The following RASSF9 variants were observed in gnomAD, a reference collection of about 807,000 sequenced individuals.
The protein encoded by RASSF9 is Ras association domain family member 9.
RASSF9 carries 18 observed loss-of-function variants against 21.4 expected under a neutral mutation model. The ratio of observed to expected loss-of-function variants is 0.84; its 90% CI spans 0.58 to 1.25. RASSF9 has a LOEUF of 1.25. Ranked by LOEUF, RASSF9 falls within the 50% of genes most tolerant of loss-of-function variation. The pLI is 0.00. For synonymous variants in RASSF9, 183 were observed against 179.1 expected (o/e 1.02, Z -0.18); for missense variants, 480 against 503.2 (o/e 0.95, Z 0.44).
intron 1 of RASSF9, among the ~76,000 whole-genome samples, chr12:85,820,663 CT>C (rs1487840123): frequency 2.0e-5 from 3 of 152,182 alleles, no homozygotes; most frequent in African/African-American, 7.2e-5. Context: ...TAATGTATAA[CT>C]GCATATATTC....
rs1037790184 is a variant in RASSF9 at position 85,804,295 on chromosome 12, A to C, written c.*407T>G. ...CTTTACAGATTTAAAAATTCCAATT[A>C]TACAGTGTTGGAAAAATATATATTA... On this transcript the variant is annotated 3_prime_UTR_variant, in exon 2 of 2. Transcript: ENST00000361228. The C allele has an allele frequency of 6.3e-6, 1 of 159,750 alleles. No homozygotes were observed. Among genetic ancestry groups the C allele is most frequent in the African/African-American group, 2.4e-5 (1 of 41,646 alleles). The allele number at this position is 159,750 out of a possible 1,614,324, so 9.9% of individuals were successfully genotyped here.
chr12:85,819,082 T>G (rs545163761), intron 1 of RASSF9, among the ~76,000 whole-genome samples: 2 of 152,072 alleles, frequency 1.3e-5, no homozygotes, highest in South Asian at 4.1e-4. Context: ...AAAACTGGAT[T>G]AAACAAAGTT....
At chr12:85,832,081 A>T (rs1335913289) in intron 1 of RASSF9, among the ~76,000 whole-genome samples, 1 of 151,972 alleles carries the variant, frequency 6.6e-6, no homozygotes, top group Non-Finnish European at 1.5e-5. Flanking sequence ...TTCATATATC[A>T]GTACGTTTTG....
intron 1 of RASSF9, among the ~76,000 whole-genome samples, chr12:85,811,223 T>C (rs1335478442): frequency 6.6e-6 from 1 of 151,756 alleles, no homozygotes; most frequent in Non-Finnish European, 1.5e-5. Context: ...GAACATTCAG[T>C]ATAAAGGCAA....
intron 1 of RASSF9, among the ~76,000 whole-genome samples, chr12:85,829,391 A>G (rs1880400969): frequency 6.6e-6 from 1 of 152,154 alleles, no homozygotes; most frequent in Admixed American, 6.6e-5. Context: ...GAATAAACAG[A>G]AGTCAACTGC....
In RASSF9 at chr12:85,804,565, ATTTCTCGAGT is replaced by A. The variant is rs1174221493; in HGVS notation, c.*127_*136del. On this transcript the variant is annotated 3_prime_UTR_variant, in exon 2 of 2. Transcript: ENST00000361228. Reference sequence around the variant, plus strand: ...GGAAATTTCACATCAGAAACAACACATTTCTCGAGTTTTTATTAACTATTGAATACTACAA... The same window carrying A: ...GGAAATTTCACATCAGAAACAACACATTTTATTAACTATTGAATACTACAA... The A allele has an allele frequency of 3.4e-6, 3 of 878,230 alleles. No individual in the cohort carries two copies. Among genetic ancestry groups the A allele is most frequent in the Non-Finnish European group, 3.2e-6 (2 of 628,418 alleles). The allele number at this position is 878,230 out of a possible 1,614,324, so 54.4% of individuals were successfully genotyped here.
At position 85,826,911 on chromosome 12, in the gene RASSF9, G is replaced by A. The variant is rs115861599; in HGVS notation, c.47+9244C>T. 5.9e-3 allele frequency among the ~76,000 whole-genome samples: 900 copies of A among 152,078 alleles called. 4 individuals are homozygous for A. The highest frequency in any genetic ancestry group is 0.021 in the African/African-American group (856 of 41,492). ...AATCTGTTTGGCCATTCACAAACTC[G>A]CTGATACTATTATGCCAAATATTTT... is the stretch of plus-strand genomic sequence containing the variant. On this transcript the variant is annotated intron_variant, in intron 1 of 1. Coordinates refer to ENST00000361228, the MANE Select transcript of RASSF9 (RefSeq NM_005447.4).
intron 1 of RASSF9, among the ~76,000 whole-genome samples, chr12:85,819,596 A>G (rs1438526547): frequency 6.6e-6 from 1 of 152,222 alleles, no homozygotes; most frequent in Non-Finnish European, 1.5e-5. Context: ...TGGATGGGTG[A>G]ATGAATAAGT....
intron 1 of RASSF9, among the ~76,000 whole-genome samples, chr12:85,818,131 A>T (rs990185542): frequency 6.6e-6 from 1 of 152,228 alleles, no homozygotes; most frequent in Admixed American, 6.5e-5. Flanking sequence ...ATAACTAAAG[A>T]ACAGTTGAGG....
chr12:85,802,350 AT>A lies in RASSF9; in HGVS notation c.*2351del, dbSNP rs1879722528. Reference sequence around the variant, plus strand: ...TTAATATATTAACATGTAACTGTAAATTAAGAGGTTCACCATGGTAGCTGAT... The same window carrying A: ...TTAATATATTAACATGTAACTGTAAATAAGAGGTTCACCATGGTAGCTGAT... On this transcript the variant is annotated 3_prime_UTR_variant, in exon 2 of 2. Transcript: ENST00000361228. 1 of 152,184 alleles carries A rather than the reference AT, an allele frequency of 6.6e-6. No homozygotes were observed. The highest frequency in any genetic ancestry group is 2.4e-5 in the African/African-American group (1 of 41,460). The allele number at this position is 152,184 out of a possible 1,614,324, so 9.4% of individuals were successfully genotyped here. A position where few individuals can be genotyped will look rare whatever the true frequency, so the allele number is the denominator to read the frequency against.
chr12:85,826,331 T>G (rs888300248), intron 1 of RASSF9, among the ~76,000 whole-genome samples: 2 of 152,120 alleles, frequency 1.3e-5, no homozygotes, highest in African/African-American at 4.8e-5. Flanking sequence ...AATTTTGAAT[T>G]CCTATAAATT....
intron 1 of RASSF9, among the ~76,000 whole-genome samples, chr12:85,816,257 C>CA (rs1343180325): frequency 6.7e-6 from 1 of 148,564 alleles, no homozygotes; most frequent in East Asian, 2.0e-4. Context: ...ACCCCCATGA[C>CA]AAAAGTTTAC....
intron 1 of RASSF9, among the ~76,000 whole-genome samples, chr12:85,813,666 T>C (rs1437906327): frequency 6.6e-6 from 1 of 151,880 alleles, no homozygotes. Context: ...GCAAAATTTC[T>C]TCCTAGTGTA....
chr12:85,824,414 CT>C (rs1265961860), intron 1 of RASSF9, among the ~76,000 whole-genome samples: 3 of 152,158 alleles, frequency 2.0e-5, no homozygotes, highest in East Asian at 1.9e-4. Context: ...TTCATCACCC[CT>C]ACCACAATTC....
intron 1 of RASSF9, among the ~76,000 whole-genome samples, chr12:85,809,614 T>A (rs1879907074): frequency 6.6e-6 from 1 of 152,088 alleles, no homozygotes; most frequent in South Asian, 2.1e-4. Flanking sequence ...ACTAGAGCTC[T>A]GAAGGAGACT....
At chr12:85,814,089 A>C (rs1199913088) in intron 1 of RASSF9, among the ~76,000 whole-genome samples, 1 of 151,972 alleles carries the variant, frequency 6.6e-6, no homozygotes, top group Non-Finnish European at 1.5e-5. Context: ...CTATGCCTAG[A>C]GATTGTGATG....
chr12:85,809,613 C>T (rs1879907011), intron 1 of RASSF9, among the ~76,000 whole-genome samples: 2 of 151,786 alleles, frequency 1.3e-5, no homozygotes, highest in South Asian at 4.2e-4. Flanking sequence ...CACTAGAGCT[C>T]TGAAGGAGAC....
rs185306007 is a variant in RASSF9 at position 85,836,158 on chromosome 12, T to C, written c.44A>G (p.Asn15Ser). 3 of 1,551,064 alleles carry C rather than the reference T, an allele frequency of 1.9e-6. No individual in the cohort carries two copies. Among genetic ancestry groups the C allele is most frequent in the Admixed American group, 3.9e-5 (2 of 50,914 alleles). Reference protein sequence around the residue: ...GRNLLKTRHKNRSPTKDMDSE... With the variant: ...GRNLLKTRHKSRSPTKDMDSE... ...TTACTCACACGCTTGACTTTACCTG[T>C]TTTTATGCCGAGTCTTTAGCAAGTT... is the stretch of plus-strand genomic sequence containing the variant. Residue 15 changes from asparagine (N) to serine (S), a missense_variant, in exon 1 of 2, where the codon AAC (asparagine) becomes AGC (serine). Asn to Ser is a conservative substitution (Grantham distance 46). Transcript: ENST00000361228.
In RASSF9 at chr12:85,808,699, A is replaced by C. The variant is rs1181307062; in HGVS notation, c.48-2737T>G. ...ATGCAATATCCAAAATTAGTATAAC[A>C]TTTTTTGTACCACATAGAGTTAATT... On this transcript the variant is annotated intron_variant, in intron 1 of 1. Coordinates refer to ENST00000361228, the MANE Select transcript of RASSF9 (RefSeq NM_005447.4). 4.6e-5 allele frequency among the ~76,000 whole-genome samples: 7 copies of C among 151,222 alleles called. No individual in the cohort carries two copies. The East Asian group carries it at 1.4e-3, about 29-fold the overall frequency.
Sources: allele counts gnomAD v4.1 joint callset (sites outside exome capture counted in the v4.1 genomes callset), GRCh38; gene constraint gnomAD v4.1.1; transcripts MANE v1.5; gene names NCBI Gene and HGNC (gene_info 2026-07-23, HGNC 2026-07-21).